The following ERC2 variants were observed in gnomAD, a reference collection of about 807,000 sequenced individuals.
ERC2 encodes the protein ERC protein 2.
ERC2 carries 42 observed loss-of-function variants against 114.8 expected under a neutral mutation model. That is an observed-to-expected ratio of 0.37 (90% CI 0.29 to 0.47). The LOEUF is 0.47. Among genes scored for constraint, ERC2 ranks in the 20% least tolerant of loss-of-function variants. The probability of loss-of-function intolerance (pLI) is 0.99; values close to 1 mark genes in which losing one functional copy is unlikely to be tolerated. For missense variants in ERC2, 939 were observed against 1,150.7 expected (o/e 0.82, Z 2.66); for synonymous variants, 454 against 425.5 (o/e 1.07, Z -0.82).
At position 56,170,397 on chromosome 3, in the gene ERC2, T is replaced by C. The variant is rs548168990; in HGVS notation, c.1149+3049A>G. 1.4e-4 allele frequency among the ~76,000 whole-genome samples: 22 copies of C among 152,222 alleles called. No homozygotes were observed. The South Asian group carries it at 4.1e-3, about 29-fold the overall frequency. On this transcript the variant is annotated intron_variant, in intron 4 of 17. Coordinates refer to ENST00000288221, the MANE Select transcript of ERC2 (RefSeq NM_015576.3). The stretch of plus-strand genomic sequence containing the variant: ...GGTACACAAAAATCTAGAACCAGAC[T>C]GTGGATCTAAATAGTGCTTGAATTT...
At chr3:56,168,046 C>G (rs2150008681) in intron 4 of ERC2, among the ~76,000 whole-genome samples, 1 of 152,226 alleles carries the variant, frequency 6.6e-6, no homozygotes, top group South Asian at 2.1e-4. Context: ...ACGTTTGAAC[C>G]TTTGGGCTAT....
At chr3:55,863,277 A>G (rs989290400) in intron 14 of ERC2, among the ~76,000 whole-genome samples, 2 of 152,148 alleles carry the variant, frequency 1.3e-5, no homozygotes, top group African/African-American at 4.8e-5. Flanking sequence ...TGGATAAGTG[A>G]GGCACTTATG....
At chr3:56,457,932 C>G (rs1462128018) in intron 1 of ERC2, among the ~76,000 whole-genome samples, 2 of 152,260 alleles carry the variant, frequency 1.3e-5, no homozygotes, top group East Asian at 3.9e-4. Context: ...GATGTTCCCC[C>G]AAAGAGCATC....
chr3:56,260,742 T>A (rs1479445520), intron 3 of ERC2, among the ~76,000 whole-genome samples: 1 of 152,218 alleles, frequency 6.6e-6, no homozygotes, highest in Middle Eastern at 3.2e-3. Context: ...CCACTCCAGA[T>A]CAGCCTTCCT....
In ERC2 at chr3:55,514,345, C is replaced by T. The variant is rs967633968; in HGVS notation, c.*40-3069G>A. ...TGGGGAGGTCGAGGCTGCAGTAAGC[C>T]GTGATTGTGCCACTCCAGCCTGCCA... On this transcript the variant is annotated intron_variant, in intron 17 of 17. Transcript: ENST00000288221. Among the ~76,000 whole-genome samples the T allele has an allele frequency of 2.0e-5, 3 of 152,116 alleles. No individual in the cohort carries two copies. The South Asian group carries it at 6.3e-4, about 32-fold the overall frequency.
In ERC2 at chr3:56,173,532, C is replaced by T. The variant is rs1447072662; in HGVS notation, c.1075-12G>A. The T allele has an allele frequency of 6.2e-7, 1 of 1,613,338 alleles. No homozygotes were observed. The highest frequency in any genetic ancestry group is 1.3e-5 in the African/African-American group (1 of 74,896). On this transcript the variant is annotated splice_polypyrimidine_tract_variant and intron_variant, in intron 3 of 17. Coordinates refer to ENST00000288221, the MANE Select transcript of ERC2 (RefSeq NM_015576.3). Reference sequence around the variant, plus strand: ...CTTCGGTGCAATTCCTGGGGAGGAACACGATAGAAATAAGCCTGACGGTTC... The same window carrying T: ...CTTCGGTGCAATTCCTGGGGAGGAATACGATAGAAATAAGCCTGACGGTTC...
chr3:56,248,970 G>A (rs2051917563), intron 3 of ERC2, among the ~76,000 whole-genome samples: 1 of 152,172 alleles, frequency 6.6e-6, no homozygotes, highest in South Asian at 2.1e-4. Context: ...CATTACAGAG[G>A]CCTGGAGGGG....
In ERC2 at chr3:55,717,580, A is replaced by G. The variant is rs182917897; in HGVS notation, c.2712+17191T>C. On this transcript the variant is annotated intron_variant, in intron 15 of 17. Transcript: ENST00000288221. ...ATACTAACTTTGTCCCTGAATAAGTATGTGGTTTCTGTTTGGTTTGTTCGA... is the reference window on the plus strand; with the variant it reads ...ATACTAACTTTGTCCCTGAATAAGTGTGTGGTTTCTGTTTGGTTTGTTCGA... Among the ~76,000 whole-genome samples, 372 of 152,262 alleles carry G rather than the reference A, an allele frequency of 2.4e-3. 6 individuals carry two copies. The highest frequency in any genetic ancestry group is 5.4e-4 in the Non-Finnish European group (37 of 68,018).
At chr3:55,629,819 G>C (rs1014640858) in intron 17 of ERC2, among the ~76,000 whole-genome samples, 8 of 152,334 alleles carry the variant, frequency 5.3e-5, no homozygotes, top group Admixed American at 4.6e-4. Context: ...AGGACCTGGA[G>C]GGTGTGGGAG....
At chr3:56,163,386 T>C (rs1188724374) in intron 4 of ERC2, among the ~76,000 whole-genome samples, 1 of 152,100 alleles carries the variant, frequency 6.6e-6, no homozygotes, top group African/African-American at 2.4e-5. Flanking sequence ...TAGGTCCAAT[T>C]GGTCAAGTGT....
intron 11 of ERC2, among the ~76,000 whole-genome samples, chr3:55,990,674 C>T (rs988568475): frequency 1.3e-5 from 2 of 152,152 alleles, no homozygotes; most frequent in African/African-American, 4.8e-5. Flanking sequence ...CCTTGGCCTC[C>T]CAAAGTGCTG....
At chr3:55,580,247 T>G (rs1299443279) in intron 17 of ERC2, among the ~76,000 whole-genome samples, 3 of 149,358 alleles carry the variant, frequency 2.0e-5, no homozygotes, top group Admixed American at 1.3e-4. Context: ...TTTTTTTTTG[T>G]CTTGGGGAAG....
chr3:55,802,379 G>A (rs2059336059), intron 14 of ERC2, among the ~76,000 whole-genome samples: 1 of 152,190 alleles, frequency 6.6e-6, no homozygotes, highest in Admixed American at 6.5e-5. Flanking sequence ...GGACGGGGAG[G>A]TATGAAGTTC....
rs116221759 is a variant in ERC2 at position 55,540,810 on chromosome 3, A to T, written c.*40-29534T>A. 6.2e-3 allele frequency among the ~76,000 whole-genome samples: 948 copies of T among 152,314 alleles called. 7 individuals carry two copies. The highest frequency in any genetic ancestry group is 8.6e-3 in the Non-Finnish European group (583 of 68,026). Reference sequence around the variant, plus strand: ...AAGAGCAAGGTCAGTTCGGACCGGCACCCCACAGACCAAATGCTTATGCAA... The same window carrying T: ...AAGAGCAAGGTCAGTTCGGACCGGCTCCCCACAGACCAAATGCTTATGCAA... On this transcript the variant is annotated intron_variant, in intron 17 of 17. Transcript: ENST00000288221.
chr3:56,101,193 C>T (rs879508145), intron 6 of ERC2, among the ~76,000 whole-genome samples: 5 of 152,186 alleles, frequency 3.3e-5, no homozygotes, highest in Admixed American at 2.6e-4. Flanking sequence ...CTGCACTCTG[C>T]GGACTGCAGG....
chr3:55,920,856 T>A (rs544916443), intron 13 of ERC2, among the ~76,000 whole-genome samples: 1 of 152,238 alleles, frequency 6.6e-6, no homozygotes, highest in South Asian at 2.1e-4. Context: ...TTGTTTTTCC[T>A]ACCAACCCTA....
intron 3 of ERC2, among the ~76,000 whole-genome samples, chr3:56,281,436 CAAAA>C (rs71099629): frequency 1.3e-4 from 6 of 47,528 alleles, no homozygotes; most frequent in Non-Finnish European, 2.1e-4. Context: ...GACTCCGTCT[CAAAA>C]AAAAAAAAAA....
At chr3:55,754,143 T>C (rs1023223482) in intron 14 of ERC2, among the ~76,000 whole-genome samples, 1 of 152,126 alleles carries the variant, frequency 6.6e-6, no homozygotes, top group East Asian at 1.9e-4. Flanking sequence ...AAGATAAATA[T>C]GTTCAAATCA....
intron 17 of ERC2, chr3:55,612,730 A>C (rs181316686): frequency 3.9e-5 from 6 of 152,332 alleles, no homozygotes; most frequent in Admixed American, 3.3e-4. Context: ...CATCAAGGTC[A>C]TCCATGGTAA....
Sources: gnomAD v4.1 joint callset for allele counts (sites outside exome capture counted in the v4.1 genomes callset) on GRCh38, gnomAD v4.1.1 for gene constraint, MANE v1.5 for transcripts, NCBI Gene and HGNC (gene_info 2026-07-23, HGNC 2026-07-21) for gene names.